Variants in CCDC88A observed in about 807,000 individuals in gnomAD.
CCDC88A encodes the protein coiled-coil and HOOK domain protein 88A, also known as girdin.
CCDC88A carries 54 observed loss-of-function variants against 234.3 expected under a neutral mutation model. That is an observed-to-expected ratio of 0.23 (90% CI 0.19 to 0.29). CCDC88A has a LOEUF of 0.29. Among genes scored for constraint, CCDC88A ranks in the 10% least tolerant of loss-of-function variants. CCDC88A has a pLI of 1.00. For synonymous variants in CCDC88A, 753 were observed against 737.8 expected (o/e 1.02, Z -0.33); for missense variants, 1,832 against 2,123.4 (o/e 0.86, Z 2.70).
chr2:55,381,534 C>T (rs550470296), intron 3 of CCDC88A, among the ~76,000 whole-genome samples: 2 of 105,702 alleles, frequency 1.9e-5, no homozygotes, highest in South Asian at 3.0e-4. Flanking sequence ...GCCTGGGCAA[C>T]AGAGTGAGAC....
At chr2:55,348,152 A>G (rs899452808) in intron 9 of CCDC88A, among the ~76,000 whole-genome samples, 1 of 151,898 alleles carries the variant, frequency 6.6e-6, no homozygotes, top group African/African-American at 2.4e-5. Context: ...TTTTGTAGCG[A>G]TGAGGTTTTG....
intron 5 of CCDC88A, among the ~76,000 whole-genome samples, chr2:55,368,764 G>C (rs1574312944): frequency 6.6e-6 from 1 of 152,210 alleles, no homozygotes; most frequent in African/African-American, 2.4e-5. Context: ...CCTAGATGTG[G>C]GAAAACATGC....
At chr2:55,338,360 G>A (rs571898999) in intron 13 of CCDC88A, among the ~76,000 whole-genome samples, 2 of 152,336 alleles carry the variant, frequency 1.3e-5, no homozygotes, top group South Asian at 2.1e-4. Flanking sequence ...TAAAGCAGTG[G>A]TTCTCAAAGC....
chr2:55,342,367 C>G (rs752203516), intron 12 of CCDC88A, among the ~76,000 whole-genome samples: 1 of 152,054 alleles, frequency 6.6e-6, no homozygotes, highest in Non-Finnish European at 1.5e-5. Context: ...ACAACAGTGA[C>G]ATAATAATAA....
chr2:55,343,559 T>A (rs1668752088), intron 12 of CCDC88A, 89 bp downstream of exon 12: 4 of 949,622 alleles, frequency 4.2e-6, no homozygotes, highest in Non-Finnish European at 4.7e-6. Context: ...CTGAGATATC[T>A]CCCACTGCGG....
At chr2:55,291,826 C>G in intron 31 of CCDC88A, 51 bp from the exon 32 acceptor site, 1 of 1,413,724 alleles carries the variant, frequency 7.1e-7, no homozygotes, top group Non-Finnish European at 1.0e-6. Flanking sequence ...AAACAAAATA[C>G]AATTCAGAAG....
intron 2 of CCDC88A, among the ~76,000 whole-genome samples, chr2:55,389,540 C>T (rs964164204): frequency 2.0e-5 from 3 of 152,154 alleles, no homozygotes; most frequent in Non-Finnish European, 2.9e-5. Context: ...ATAGAAACGC[C>T]TCATTCTTTA....
At chr2:55,395,324 T>C (rs1558812919) in intron 2 of CCDC88A, among the ~76,000 whole-genome samples, 1 of 152,162 alleles carries the variant, frequency 6.6e-6, no homozygotes, top group Non-Finnish European at 1.5e-5. Context: ...CCTTCTCCAT[T>C]AATATGTTAA....
chr2:55,391,558 G>A (rs1200982154), intron 2 of CCDC88A, among the ~76,000 whole-genome samples: 1 of 152,160 alleles, frequency 6.6e-6, no homozygotes. Flanking sequence ...TAAGTAGGAA[G>A]AAATGTAAAT....
rs904424447 is a variant in CCDC88A, at chr2:55,317,078, T to G, written c.3746+128A>C. ...TCCGAATTCAAACTATGCTTGGTACTACAAAGGGGCAGTATATAGTTTGGA... is the reference window on the plus strand; with the variant it reads ...TCCGAATTCAAACTATGCTTGGTACGACAAAGGGGCAGTATATAGTTTGGA... On this transcript the variant is annotated intron_variant, in intron 21 of 32. Coordinates refer to ENST00000436346, the MANE Select transcript of CCDC88A (RefSeq NM_001365480.1). The surrounding 1 kb of genome is among the most constrained non-coding windows in gnomAD (Gnocchi z 4.2). The G allele has an allele frequency of 1.6e-5, 5 of 318,276 alleles. No homozygotes were observed. Among genetic ancestry groups the G allele is most frequent in the Non-Finnish European group, 2.7e-5 (5 of 185,224 alleles). 19.7% of individuals were successfully genotyped at this position (318,276 alleles called of 1,614,324 possible). A position where few individuals can be genotyped will look rare whatever the true frequency, so the allele number is the denominator to read the frequency against.
intron 29 of CCDC88A, among the ~76,000 whole-genome samples, chr2:55,297,868 A>T (rs1333296702): frequency 6.6e-6 from 1 of 152,194 alleles, no homozygotes; most frequent in Non-Finnish European, 1.5e-5. Flanking sequence ...CATTTAAAAA[A>T]ATTTAAAGAG....
chr2:55,410,133 C>A (rs542677709), intron 2 of CCDC88A, among the ~76,000 whole-genome samples: 11 of 152,280 alleles, frequency 7.2e-5, no homozygotes, highest in East Asian at 3.9e-4. Context: ...CCCACACAGG[C>A]CTCTTTCCTA....
At chr2:55,407,483 T>C (rs1038595009) in intron 2 of CCDC88A, among the ~76,000 whole-genome samples, 4 of 151,476 alleles carry the variant, frequency 2.6e-5, no homozygotes, top group African/African-American at 9.7e-5. Context: ...TGGGTGCCTA[T>C]AATCCCAGCT....
chr2:55,401,447 A>AAAAAT lies in CCDC88A; in HGVS notation c.165-12562_165-12561insATTTT, dbSNP rs1334606165. 3.3e-4 allele frequency among the ~76,000 whole-genome samples: 9 copies of AAAAAT among 27,160 alleles called. 2 individuals carry two copies. Among genetic ancestry groups the AAAAAT allele is most frequent in the African/African-American group, 8.1e-4 (9 of 11,056 alleles). The allele number at this position is 27,160 out of a possible 152,430, so 17.8% of individuals were successfully genotyped here. A position where few individuals can be genotyped will look rare whatever the true frequency, so the allele number is the denominator to read the frequency against. ...AGACTCTGTCTCCAAAAAAAAAAAA[A>AAAAAT]ATATATATATATATATATACATATG... is the stretch of plus-strand genomic sequence containing the variant. On this transcript the variant is annotated intron_variant, in intron 2 of 32. Transcript: ENST00000436346.
rs1675175634 is a variant in CCDC88A, at chr2:55,384,548, TGTG to T, written c.273+4227_273+4229del. Among the ~76,000 whole-genome samples, 2 of 62,522 alleles carry T rather than the reference TGTG, an allele frequency of 3.2e-5. 1 individual carries two copies. The highest frequency in any genetic ancestry group is 1.4e-4 in the African/African-American group (2 of 14,000). 41.0% of individuals were successfully genotyped at this position (62,522 alleles called of 152,430 possible). On this transcript the variant is annotated intron_variant, in intron 3 of 32. Transcript: ENST00000436346. ...ATATATATACATATATACGTATATA[TGTG>T]TATATATACACATATATACGTATAT...
intron 2 of CCDC88A, chr2:55,418,014 T>G (rs959851173): frequency 1.2e-4 from 18 of 152,170 alleles, no homozygotes; most frequent in Admixed American, 9.2e-4. Context: ...TATGCTACAA[T>G]AGCTGTAATT....
At chr2:55,373,441 C>T (rs549253591) in intron 4 of CCDC88A, among the ~76,000 whole-genome samples, 5 of 152,290 alleles carry the variant, frequency 3.3e-5, no homozygotes, top group Non-Finnish European at 7.3e-5. Flanking sequence ...CTGATCCAAT[C>T]ATCAATGGTC....
At position 55,309,173 on chromosome 2, in the gene CCDC88A, A is replaced by G. The variant is rs1440163683; in HGVS notation, c.4161T>C (p.Ser1387=). 5 of 1,559,058 alleles carry G rather than the reference A, an allele frequency of 3.2e-6. No homozygotes were observed. The highest frequency in any genetic ancestry group is 4.4e-6 in the Non-Finnish European group (5 of 1,136,904). The change falls in exon 24 of 33, where the codon TCT becomes TCC. Residue 1387 remains serine (S), a synonymous_variant. Transcript: ENST00000436346. This position sits in a 1 kb window ranked among gnomAD's most constrained non-coding sequence, Gnocchi z 5.1. ...TTGGTTAATGGTACCTTCTAGGAGG[A>G]GATGGGTCATAAAATTTGTATTGAT... The part of the protein sequence containing the change: ...IMDQYKFYDP[S]PPRRRGNWIT...
rs751860875 is a variant in CCDC88A at position 55,362,396 on chromosome 2, T to A, written c.539A>T (p.Asp180Val). 11 of 1,607,660 alleles carry A rather than the reference T, an allele frequency of 6.8e-6. No homozygotes were observed. In the East Asian group the frequency reaches 2.5e-4, roughly 36 times the overall value. ...TGGTTCTATGTCCTCCTGCGACATA[T>A]CAGTCACTTCCATCCATTGCAGGTC... ...VFDLQWMEVT[D>V]MSQEDIEPLL... Residue 180 changes from aspartate to valine, a missense_variant, in exon 7 of 33, where the codon GAT (aspartate) becomes GTT (valine). By Grantham distance (152) the Asp-to-Val change is radical (BLOSUM62 -3). Coordinates refer to ENST00000436346, the MANE Select transcript of CCDC88A (RefSeq NM_001365480.1).
Sources: gnomAD v4.1 joint callset for allele counts (sites outside exome capture counted in the v4.1 genomes callset) on GRCh38, gnomAD v4.1.1 for gene constraint, Gnocchi (gnomAD v3.1) non-coding constraint, MANE v1.5 for transcripts, NCBI Gene and HGNC (gene_info 2026-07-23, HGNC 2026-07-21) for gene names.